Variants in TMEM74 observed in about 807,000 individuals in gnomAD.
The protein encoded by TMEM74 is transmembrane protein 74.
In TMEM74, 13 loss-of-function variants were observed where a neutral mutation model predicts 18.1. The ratio of observed to expected loss-of-function variants is 0.72; its 90% CI spans 0.47 to 1.14. TMEM74 has a LOEUF of 1.14. TMEM74 is among the 50% of genes most tolerant of loss of function. The pLI, the probability that TMEM74 is intolerant of heterozygous loss-of-function variation, is 0.00. For synonymous variants in TMEM74, 159 were observed against 146.6 expected (o/e 1.08, Z -0.61); for missense variants, 372 against 375.9 (o/e 0.99, Z 0.09).
chr8:108,653,482 A>G (rs890579130), intron 2 of TMEM74, among the ~76,000 whole-genome samples: 21 of 152,136 alleles, frequency 1.4e-4, no homozygotes, highest in Admixed American at 1.3e-4. Flanking sequence ...TTTATCTCCC[A>G]TACTTCCTAG....
intron 2 of TMEM74, among the ~76,000 whole-genome samples, chr8:108,616,011 T>C: frequency 6.6e-6 from 1 of 152,070 alleles, no homozygotes; most frequent in East Asian, 1.9e-4. Flanking sequence ...GGTCTCAATC[T>C]CTTGACCTCG....
chr8:108,681,997 G>T (rs1813119828), intron 1 of TMEM74, among the ~76,000 whole-genome samples: 1 of 151,928 alleles, frequency 6.6e-6, no homozygotes, highest in Non-Finnish European at 1.5e-5. Flanking sequence ...GTCCATCTTT[G>T]CTCTGCTTCA....
chr8:108,630,853 C>T (rs558552287), intron 2 of TMEM74, among the ~76,000 whole-genome samples: 7 of 152,140 alleles, frequency 4.6e-5, no homozygotes, highest in Admixed American at 3.9e-4. Context: ...ATTTATAGCA[C>T]TAAATGCCCA....
At chr8:108,652,500 G>A (rs1812784506) in intron 2 of TMEM74, 1 of 423,182 alleles carries the variant, frequency 2.4e-6, no homozygotes, top group Non-Finnish European at 4.4e-6. Flanking sequence ...AATGCCAGGA[G>A]GGAGAGACCC....
At chr8:108,621,764 A>G (rs1162304561) in intron 2 of TMEM74, among the ~76,000 whole-genome samples, 1 of 152,120 alleles carries the variant, frequency 6.6e-6, no homozygotes, top group Non-Finnish European at 1.5e-5. Context: ...TGGTTGAGTT[A>G]TTTAATTTCT....
intron 2 of TMEM74, among the ~76,000 whole-genome samples, chr8:108,609,214 T>C (rs1812309476): frequency 6.6e-6 from 1 of 152,210 alleles, no homozygotes; most frequent in African/African-American, 2.4e-5. Context: ...TGAGGTAAGA[T>C]GTATTGGTAA....
intron 1 of TMEM74, among the ~76,000 whole-genome samples, chr8:108,658,441 T>C (rs528692085): frequency 1.3e-5 from 2 of 152,028 alleles, no homozygotes; most frequent in Non-Finnish European, 2.9e-5. Flanking sequence ...GATAGACACA[T>C]TAGAAATGAG....
At chr8:108,743,166 G>A (rs1813818358) in intron 1 of TMEM74, among the ~76,000 whole-genome samples, 1 of 152,088 alleles carries the variant, frequency 6.6e-6, no homozygotes, top group South Asian at 2.1e-4. Context: ...TCCAGGAGGT[G>A]GTTTTTCTCA....
chr8:108,629,037 C>A (rs1252925460), intron 2 of TMEM74, among the ~76,000 whole-genome samples: 2 of 151,936 alleles, frequency 1.3e-5, no homozygotes, highest in East Asian at 3.9e-4. Flanking sequence ...GGATATTAGA[C>A]CTTTGTCAGA....
At chr8:108,756,743 AGAAGGGAG>A (rs1289220155) in intron 1 of TMEM74, among the ~76,000 whole-genome samples, 1 of 50,800 alleles carries the variant, frequency 2.0e-5, no homozygotes, top group Non-Finnish European at 4.0e-5. Flanking sequence ...AGAGAAAGAA[AGAAGGGAG>A]GGAGGGAGGG....
intron 2 of TMEM74, among the ~76,000 whole-genome samples, chr8:108,646,764 G>C (rs1322356285): frequency 6.6e-6 from 1 of 152,066 alleles, no homozygotes; most frequent in Non-Finnish European, 1.5e-5. Flanking sequence ...GGACTTCAAT[G>C]CTGTCTTTAT....
At chr8:108,711,297 G>C (rs1423710910) in intron 1 of TMEM74, among the ~76,000 whole-genome samples, 1 of 152,248 alleles carries the variant, frequency 6.6e-6, no homozygotes, top group South Asian at 2.1e-4. Context: ...CCCATGCATT[G>C]TGAATTAAAA....
chr8:108,754,107 TC>T (rs1360267091), intron 1 of TMEM74, among the ~76,000 whole-genome samples: 7 of 152,182 alleles, frequency 4.6e-5, no homozygotes, highest in African/African-American at 1.4e-4. Flanking sequence ...ATAATACACA[TC>T]TTTAAATTAT....
In TMEM74 at chr8:108,705,471, CCATATGGTT is replaced by C. The variant is rs150943290; in HGVS notation, n.120-50043_120-50035del. Reference sequence around the variant, plus strand: ...TCTCAGACACAGGGCTACCTCTAGCCCATATGGTTCTTATATACAAATTAGGAAAAGGCT... The same window carrying C: ...TCTCAGACACAGGGCTACCTCTAGCCCTTATATACAAATTAGGAAAAGGCT... On this transcript the variant is annotated intron_variant and non_coding_transcript_variant, in intron 1 of 3. Transcript: ENST00000518838. Among the ~76,000 whole-genome samples the C allele has an allele frequency of 9.2e-5, 14 of 152,216 alleles. No individual in the cohort carries two copies. The East Asian group carries it at 2.5e-3, about 27-fold the overall frequency.
intron 2 of TMEM74, among the ~76,000 whole-genome samples, chr8:108,641,891 T>G (rs1164055396): frequency 2.0e-5 from 3 of 152,112 alleles, no homozygotes; most frequent in Non-Finnish European, 4.4e-5. Flanking sequence ...TTCCTAGGTC[T>G]TTTGAGGGGA....
intron 1 of TMEM74, among the ~76,000 whole-genome samples, chr8:108,702,749 C>T (rs1034623395): frequency 8.6e-6 from 1 of 116,772 alleles, no homozygotes; most frequent in African/African-American, 3.2e-5. Context: ...CTATCCCTCC[C>T]CCCTCCCCCC....
chr8:108,611,552 T>C (rs1022122327), intron 2 of TMEM74, among the ~76,000 whole-genome samples: 2 of 152,202 alleles, frequency 1.3e-5, no homozygotes, highest in African/African-American at 4.8e-5. Flanking sequence ...AATTAATAGA[T>C]AGTGCTCTTG....
chr8:108,687,071 T>C (rs1428309238), intron 1 of TMEM74, among the ~76,000 whole-genome samples: 1 of 152,158 alleles, frequency 6.6e-6, no homozygotes, highest in Non-Finnish European at 1.5e-5. Flanking sequence ...TTTAAAATAA[T>C]GGGAAGGTGG....
chr8:108,692,797 A>G (rs1257436305), intron 1 of TMEM74, among the ~76,000 whole-genome samples: 1 of 152,176 alleles, frequency 6.6e-6, no homozygotes, highest in Non-Finnish European at 1.5e-5. Flanking sequence ...CATGAATCAC[A>G]TTTGCAATTT....
Sources: allele counts gnomAD v4.1 joint callset (sites outside exome capture counted in the v4.1 genomes callset), GRCh38; gene constraint gnomAD v4.1.1; transcripts MANE v1.5; gene names NCBI Gene and HGNC (gene_info 2026-07-23, HGNC 2026-07-21).